The following ACTL8 variants were observed in gnomAD, a reference collection of about 807,000 sequenced individuals.
ACTL8 encodes the protein actin like 8.
In ACTL8, 3 loss-of-function variants were observed where a neutral mutation model predicts 9.3. That is an observed-to-expected ratio of 0.32 (90% CI 0.15 to 0.83). The LOEUF (loss-of-function observed/expected upper bound fraction) is 0.83. ACTL8 is among the 40% of genes least tolerant of loss of function. The pLI is 0.57. For missense variants in ACTL8, 381 were observed against 492.2 expected (o/e 0.77, Z 2.14); for synonymous variants, 224 against 205.9 (o/e 1.09, Z -0.75).
intron 1 of ACTL8, among the ~76,000 whole-genome samples, chr1:17,803,024 T>A (rs1408472694): frequency 6.6e-6 from 1 of 152,202 alleles, no homozygotes; most frequent in Non-Finnish European, 1.5e-5. Context: ...TCTGCTGCTA[T>A]GGTTTGGCTG....
intron 1 of ACTL8, among the ~76,000 whole-genome samples, chr1:17,780,386 G>A (rs1243480521): frequency 1.3e-5 from 2 of 152,262 alleles, no homozygotes; most frequent in East Asian, 1.9e-4. Context: ...CGGAGGGGCT[G>A]TAGATCCTAG....
chr1:17,771,065 G>A (rs910886789), intron 1 of ACTL8, among the ~76,000 whole-genome samples: 30 of 152,316 alleles, frequency 2.0e-4, no homozygotes, highest in Non-Finnish European at 2.4e-4. Context: ...AAAGCGTATA[G>A]AACAGGGGCG....
At chr1:17,762,579 T>C (rs921848873) in intron 1 of ACTL8, among the ~76,000 whole-genome samples, 3 of 152,140 alleles carry the variant, frequency 2.0e-5, no homozygotes, top group Non-Finnish European at 4.4e-5. Flanking sequence ...GCCAGGCAGC[T>C]TGAGTGTGAC....
intron 1 of ACTL8, among the ~76,000 whole-genome samples, chr1:17,786,203 G>A (rs2066196273): frequency 6.6e-6 from 1 of 152,220 alleles, no homozygotes; most frequent in East Asian, 1.9e-4. Flanking sequence ...GAGTCTAACA[G>A]GAACAGGAAA....
chr1:17,793,188 G>A (rs892063179), intron 1 of ACTL8, among the ~76,000 whole-genome samples: 1 of 152,186 alleles, frequency 6.6e-6, no homozygotes, highest in Non-Finnish European at 1.5e-5. Context: ...CCTCTCTTTT[G>A]TGCCAGATCT....
intron 1 of ACTL8, among the ~76,000 whole-genome samples, chr1:17,764,103 C>G (rs2066027448): frequency 6.6e-6 from 1 of 152,138 alleles, no homozygotes; most frequent in African/African-American, 2.4e-5. Flanking sequence ...GGTGGGGGTG[C>G]TGGTGCTTTC....
intron 1 of ACTL8, among the ~76,000 whole-genome samples, chr1:17,816,755 G>A (rs184173590): frequency 2.0e-5 from 3 of 152,134 alleles, no homozygotes; most frequent in Non-Finnish European, 4.4e-5. Flanking sequence ...ACCTGTGCCC[G>A]TTCATATATA....
chr1:17,797,139 G>T (rs2066282981), intron 1 of ACTL8, among the ~76,000 whole-genome samples: 1 of 151,910 alleles, frequency 6.6e-6, no homozygotes, highest in African/African-American at 2.4e-5. Context: ...AACCCACCAG[G>T]GTTGGGATCC....
intron 1 of ACTL8, among the ~76,000 whole-genome samples, chr1:17,800,490 G>A (rs770384450): frequency 2.6e-5 from 4 of 151,032 alleles, no homozygotes; most frequent in Admixed American, 1.3e-4. Flanking sequence ...GTTATTTTAC[G>A]TGATGTTTCT....
rs536830619 is a variant in ACTL8, at chr1:17,810,550, A to C, written c.-24-12435A>C. ...TTTCACCTTAAAATGTCATGTGGCG[A>C]GACTCGCTTTTTTTGATGTATAGTT... On this transcript the variant is annotated intron_variant, in intron 1 of 2. Transcript: ENST00000375406. Among the ~76,000 whole-genome samples, 223 of 152,292 alleles carry C rather than the reference A, an allele frequency of 1.5e-3. 2 individuals carry two copies. The Middle Eastern group carries it at 0.027, about 19-fold the overall frequency.
chr1:17,765,213 T>G (rs1259090851), intron 1 of ACTL8, among the ~76,000 whole-genome samples: 1 of 152,118 alleles, frequency 6.6e-6, no homozygotes, highest in African/African-American at 2.4e-5. Flanking sequence ...CTGAGTGTGG[T>G]GGGCCTGAAG....
chr1:17,815,059 A>G (rs2066418044), intron 1 of ACTL8, among the ~76,000 whole-genome samples: 1 of 152,186 alleles, frequency 6.6e-6, no homozygotes, highest in Non-Finnish European at 1.5e-5. Flanking sequence ...ACAAGACAAT[A>G]CATACCATTA....
At chr1:17,781,087 A>G (rs994247307) in intron 1 of ACTL8, among the ~76,000 whole-genome samples, 1 of 151,944 alleles carries the variant, frequency 6.6e-6, no homozygotes, top group African/African-American at 2.4e-5. Context: ...CTGGCAGAGG[A>G]TCCTTCCTTC....
chr1:17,809,678 C>A (rs1178764581), intron 1 of ACTL8, among the ~76,000 whole-genome samples: 4 of 151,710 alleles, frequency 2.6e-5, no homozygotes, highest in Non-Finnish European at 4.4e-5. Flanking sequence ...GTTGCGTGCT[C>A]CTTATGAGAA....
intron 1 of ACTL8, among the ~76,000 whole-genome samples, chr1:17,807,845 G>C (rs190737284): frequency 2.8e-4 from 42 of 152,106 alleles, no homozygotes; most frequent in African/African-American, 9.6e-4. Flanking sequence ...GGCCTGTGGG[G>C]GGTGGGGAGC....
intron 1 of ACTL8, among the ~76,000 whole-genome samples, chr1:17,773,219 C>T (rs774551986): frequency 2.0e-5 from 3 of 152,190 alleles, no homozygotes; most frequent in Non-Finnish European, 4.4e-5. Context: ...TAGCTCCTGG[C>T]TGCCGGCTGT....
At chr1:17,762,697 C>T (rs2066015631) in intron 1 of ACTL8, among the ~76,000 whole-genome samples, 1 of 152,124 alleles carries the variant, frequency 6.6e-6, no homozygotes, top group Admixed American at 6.5e-5. Flanking sequence ...TGTGGTGGGG[C>T]TGCAGGAAAA....
At position 17,787,433 on chromosome 1, in the gene ACTL8, T is replaced by C. The variant is rs182799114; in HGVS notation, c.-25+31929T>C. Among the ~76,000 whole-genome samples, 743 of 152,180 alleles carry C rather than the reference T, an allele frequency of 4.9e-3. 8 individuals carry two copies. The highest frequency in any genetic ancestry group is 0.016 in the African/African-American group (673 of 41,520). On this transcript the variant is annotated intron_variant, in intron 1 of 2. Transcript: ENST00000375406. ...TGTGTGCCACCACGCCCAGCTAAAT[T>C]TTTTTCTGTATTTTTAGTAGAGACA...
Position 17,826,393 on chromosome 1 carries a change from C to A in ACTL8, c.975C>A (p.Ala325=), listed in dbSNP as rs777126521. The change falls in exon 3 of 3, where the codon GCC becomes GCA. Residue 325 remains alanine, a synonymous_variant. Coordinates refer to ENST00000375406, the MANE Select transcript of ACTL8 (RefSeq NM_030812.3). The surrounding 1 kb of genome is among the most constrained non-coding windows in gnomAD (Gnocchi z 4.5). ...GGGATCACGTCTCCTCCACCAAGGC[C>A]ACAGTCTGGGAGGGTTCCAATAGAA... ...LMGDHVSSTK[A]TVWEGSNRNF... The A allele has an allele frequency of 8.1e-6, 13 of 1,613,984 alleles. No individual in the cohort carries two copies. The East Asian group carries it at 2.7e-4, about 33-fold the overall frequency.
Sources: gnomAD v4.1 joint callset for allele counts (sites outside exome capture counted in the v4.1 genomes callset) on GRCh38, gnomAD v4.1.1 for gene constraint, Gnocchi (gnomAD v3.1) non-coding constraint, MANE v1.5 for transcripts, NCBI Gene and HGNC (gene_info 2026-07-23, HGNC 2026-07-21) for gene names.